FAM83F: variants seen among roughly 807,000 people sequenced by gnomAD.
The protein encoded by FAM83F is scaffolding CK1 anchoring protein F.
FAM83F carries 45 observed loss-of-function variants against 42.9 expected under a neutral mutation model. That is an observed-to-expected ratio of 1.05 (90% CI 0.83 to 1.35). The LOEUF is 1.35. Among genes scored for constraint, FAM83F ranks in the 40% most tolerant of loss-of-function variants. The probability of loss-of-function intolerance (pLI) is 0.00; values close to 1 mark genes in which losing one functional copy is unlikely to be tolerated. For synonymous variants in FAM83F, 306 were observed against 298.3 expected (o/e 1.03, Z -0.27); for missense variants, 617 against 695.9 (o/e 0.89, Z 1.28).
chr22:40,034,138 A>G lies in FAM83F; in HGVS notation c.*4573A>G, dbSNP rs1273636618. The G allele has an allele frequency of 6.6e-6, 1 of 152,246 alleles. No homozygotes were observed. Among genetic ancestry groups the G allele is most frequent in the African/African-American group, 2.4e-5 (1 of 41,462 alleles). The allele number at this position is 152,246 out of a possible 1,614,324, so 9.4% of individuals were successfully genotyped here. A position where few individuals can be genotyped will look rare whatever the true frequency, so the allele number is the denominator to read the frequency against. On this transcript the variant is annotated 3_prime_UTR_variant, in exon 5 of 5. Transcript: ENST00000333407. ...AAGCAGGAATCGCTACCTGCCTGTC[A>G]TGACCACATTCTCAGTGAACATTGA...
chr22:40,019,412 C>A (rs139219348), intron 2 of FAM83F, 77 bp downstream of exon 2: 36 of 1,381,584 alleles, frequency 2.6e-5, no homozygotes, highest in East Asian at 6.9e-5. Flanking sequence ...GCAGCTCCCC[C>A]CTGCCTCTTC....
At chr22:40,009,372 T>C (rs1386404576) in intron 1 of FAM83F, among the ~76,000 whole-genome samples, 1 of 152,190 alleles carries the variant, frequency 6.6e-6, no homozygotes. Flanking sequence ...GCCCGAGTCC[T>C]GAGCTCCACG....
chr22:40,027,301 G>A (rs1035597842), intron 4 of FAM83F, among the ~76,000 whole-genome samples: 1 of 152,160 alleles, frequency 6.6e-6, no homozygotes, highest in Admixed American at 6.5e-5. Flanking sequence ...CATTGTCCTT[G>A]TCATGGCTTC....
intron 1 of FAM83F, among the ~76,000 whole-genome samples, chr22:40,014,351 A>G (rs1327489836): frequency 6.6e-6 from 1 of 151,992 alleles, no homozygotes; most frequent in Non-Finnish European, 1.5e-5. Flanking sequence ...AATTATAATC[A>G]CAAGTAGGGA....
chr22:40,024,585 C>G (rs541826828), intron 4 of FAM83F, among the ~76,000 whole-genome samples: 1 of 152,334 alleles, frequency 6.6e-6, no homozygotes, highest in Admixed American at 6.5e-5. Context: ...ACACATTGCT[C>G]CCTGTACCCA....
At chr22:40,007,564 TCCTCC>T (rs1456309709) in intron 1 of FAM83F, among the ~76,000 whole-genome samples, 16 of 33,562 alleles carry the variant, frequency 4.8e-4, no homozygotes, top group African/African-American at 1.9e-3. Flanking sequence ...TCCTCTCCTC[TCCTCC>T]TCCTCTCCTC....
rs892523775 is a variant in FAM83F, at chr22:39,995,296, G to A, written c.254G>A (p.Gly85Asp). ...EDAVPAANARGKSKAKAKAPA... is the reference protein window; with the variant it reads ...EDAVPAANARDKSKAKAKAPA... ...GCCGTCCCCGCCGCCAACGCCCGGG[G>A]CAAGAGCAAGGCCAAGGCCAAGGCC... The change falls in exon 1 of 5, where the codon GGC becomes GAC. Residue 85 changes from glycine (G) to aspartate (D), a missense_variant. Coordinates refer to ENST00000333407, the MANE Select transcript of FAM83F (RefSeq NM_138435.4). The surrounding 1 kb of genome is among the most constrained non-coding windows in gnomAD (Gnocchi z 4.6). 1 of 1,537,094 alleles carries A rather than the reference G, an allele frequency of 6.5e-7. No individual in the cohort carries two copies. Among genetic ancestry groups the A allele is most frequent in the African/African-American group, 1.4e-5 (1 of 73,078 alleles).
chr22:40,011,821 C>T (rs2067465992), intron 1 of FAM83F, among the ~76,000 whole-genome samples: 1 of 152,208 alleles, frequency 6.6e-6, no homozygotes, highest in South Asian at 2.1e-4. Context: ...ATGCAGGCAA[C>T]ATCTTTGTTC....
In FAM83F at chr22:39,995,185, A is replaced by C. The variant is rs1197233556; in HGVS notation, c.143A>C (p.Glu48Ala). The change falls in exon 1 of 5, where the codon GAG (glutamate) becomes GCG (alanine). Residue 48 changes from glutamate to alanine, a missense_variant. Transcript: ENST00000333407. This position sits in a 1 kb window ranked among gnomAD's most constrained non-coding sequence, Gnocchi z 4.6. ...GGCGGCGGCGAGCAGGCCTACCGCG[A>C]GCGGCTCAAGGAGGAGCAGCTGCGG... ...LLGGGEQAYR[E>A]RLKEEQLRDF... 3.5e-5 allele frequency: 53 copies of C among 1,493,300 alleles called. 1 individual carries two copies. The East Asian group carries it at 1.4e-3, about 38-fold the overall frequency. The allele number at this position is 1,493,300 out of a possible 1,614,324, so 92.5% of individuals were successfully genotyped here.
intron 1 of FAM83F, among the ~76,000 whole-genome samples, chr22:40,000,914 C>A (rs966453214): frequency 6.6e-6 from 1 of 152,226 alleles, no homozygotes; most frequent in Non-Finnish European, 1.5e-5. Context: ...CCCATGCACT[C>A]CTAATCGTTC....
At chr22:40,020,904 T>G (rs1490042087) in intron 3 of FAM83F, among the ~76,000 whole-genome samples, 1 of 152,220 alleles carries the variant, frequency 6.6e-6, no homozygotes, top group Non-Finnish European at 1.5e-5. Flanking sequence ...CTGCAGTTAC[T>G]ATTTTTTAAA....
intron 4 of FAM83F, among the ~76,000 whole-genome samples, chr22:40,024,406 G>C (rs1383545347): frequency 6.6e-6 from 1 of 152,246 alleles, no homozygotes; most frequent in Non-Finnish European, 1.5e-5. Context: ...TAAGCAGCCA[G>C]GACTGCATGT....
At position 40,023,825 on chromosome 22, in the gene FAM83F, G is replaced by A. The variant is rs887841500; in HGVS notation, c.1453+1862G>A. On this transcript the variant is annotated intron_variant, in intron 4 of 4. Transcript: ENST00000333407. This position sits in a 1 kb window ranked among gnomAD's most constrained non-coding sequence, Gnocchi z 4.1. ...GGGCGAGGGCACGGACAGCCAGGAA[G>A]GTCCGGGGATGCCCGGAACCATCAT... Among the ~76,000 whole-genome samples, 1 of 152,136 alleles carries A rather than the reference G, an allele frequency of 6.6e-6. No individual in the cohort carries two copies. Among genetic ancestry groups the A allele is most frequent in the Admixed American group, 6.5e-5 (1 of 15,290 alleles).
At position 39,995,445 on chromosome 22, in the gene FAM83F, G is replaced by T; in HGVS notation, c.403G>T (p.Val135Phe). 1 of 1,561,464 alleles carries T rather than the reference G, an allele frequency of 6.4e-7. No homozygotes were observed. The highest frequency in any genetic ancestry group is 8.7e-7 in the Non-Finnish European group (1 of 1,152,776). Residue 135 changes from valine (V) to phenylalanine (F), a missense_variant, in exon 1 of 5, where the codon GTC becomes TTC. Transcript: ENST00000333407. The surrounding 1 kb of genome is among the most constrained non-coding windows in gnomAD (Gnocchi z 4.6). ...TGGTTTCTACCGCGGCGTGAGCCGGGTCACGCTCTTCACCCACCCGCCCAA... is the reference window on the plus strand; with the variant it reads ...TGGTTTCTACCGCGGCGTGAGCCGGTTCACGCTCTTCACCCACCCGCCCAA... ...DTGFYRGVSR[V>F]TLFTHPPKDE...
rs2146253232 is a variant in FAM83F, at chr22:40,039,664, C to T, written c.*10099C>T. ...TGCGAGCGTCGCACGCCCCCAGAGA[C>T]AACATAAGGAGAGAAGTGCAGACAG... On this transcript the variant is annotated 3_prime_UTR_variant, in exon 5 of 5. Transcript: ENST00000333407. 6.6e-6 allele frequency: 1 copy of T among 152,240 alleles called. No homozygotes were observed. Among genetic ancestry groups the T allele is most frequent in the South Asian group, 2.1e-4 (1 of 4,826 alleles). The allele number at this position is 152,240 out of a possible 1,614,324, so 9.4% of individuals were successfully genotyped here. A position where few individuals can be genotyped will look rare whatever the true frequency, so the allele number is the denominator to read the frequency against.
rs376460601 is a variant in FAM83F at position 39,995,441 on chromosome 22, C to T, written c.399C>T (p.Ser133=). The change falls in exon 1 of 5, where the codon AGC becomes AGT. Residue 133 remains serine (S), a synonymous_variant. Transcript: ENST00000333407. This position sits in a 1 kb window ranked among gnomAD's most constrained non-coding sequence, Gnocchi z 4.6. Reference sequence around the variant, plus strand: ...ACACTGGTTTCTACCGCGGCGTGAGCCGGGTCACGCTCTTCACCCACCCGC... The same window carrying T: ...ACACTGGTTTCTACCGCGGCGTGAGTCGGGTCACGCTCTTCACCCACCCGC... ...WTDTGFYRGV[S]RVTLFTHPPK... 78 of 1,558,802 alleles carry T rather than the reference C, an allele frequency of 5.0e-5. No individual in the cohort carries two copies. Among genetic ancestry groups the T allele is most frequent in the Non-Finnish European group, 2.6e-5 (30 of 1,151,452 alleles).
rs1206672280 is a variant in FAM83F at position 40,042,954 on chromosome 22, T to C, written c.*13389T>C. 8 of 152,220 alleles carry C rather than the reference T, an allele frequency of 5.3e-5. No homozygotes were observed. Among genetic ancestry groups the C allele is most frequent in the Non-Finnish European group, 8.8e-5 (6 of 68,038 alleles). The allele number at this position is 152,220 out of a possible 1,614,324, so 9.4% of individuals were successfully genotyped here. The stretch of plus-strand genomic sequence containing the variant: ...CATACTGGAAGGCTAATATGGGGTA[T>C]GTGCATACAATTTTAAGGACTCACG... On this transcript the variant is annotated 3_prime_UTR_variant, in exon 5 of 5. Transcript: ENST00000333407.
rs762048468 is a variant in FAM83F, at chr22:40,019,884, C to G, written c.658-3C>G. 2 of 1,607,980 alleles carry G rather than the reference C, an allele frequency of 1.2e-6. No homozygotes were observed. The highest frequency in any genetic ancestry group is 4.5e-5 in the East Asian group (2 of 44,630). On this transcript the variant is annotated splice_polypyrimidine_tract_variant and splice_region_variant and intron_variant, in intron 2 of 4. Transcript: ENST00000333407. Reference sequence around the variant, plus strand: ...TGACAGGGCCTTCTGCTCTTCCCAACAGAACATCCGTGTCCGCTCTGTGAC... The same window carrying G: ...TGACAGGGCCTTCTGCTCTTCCCAAGAGAACATCCGTGTCCGCTCTGTGAC...
chr22:40,038,073 T>C lies in FAM83F; in HGVS notation c.*8508T>C, dbSNP rs1370349662. ...TCATTCATTTGTTCAAACGAACTTA[T>C]TGAGAACTTACTGTGTTCCAGGCAC... On this transcript the variant is annotated 3_prime_UTR_variant, in exon 5 of 5. Transcript: ENST00000333407. The C allele has an allele frequency of 1.3e-5, 2 of 152,274 alleles. No individual in the cohort carries two copies. Among genetic ancestry groups the C allele is most frequent in the Non-Finnish European group, 2.9e-5 (2 of 68,052 alleles). 9.4% of individuals were successfully genotyped at this position (152,274 alleles called of 1,614,324 possible).
Sources: allele counts gnomAD v4.1 joint callset (sites outside exome capture counted in the v4.1 genomes callset), GRCh38; gene constraint gnomAD v4.1.1; non-coding constraint Gnocchi (gnomAD v3.1); transcripts MANE v1.5; gene names NCBI Gene and HGNC (gene_info 2026-07-23, HGNC 2026-07-21).